AMOT: variants seen among roughly 807,000 people sequenced by gnomAD.
AMOT encodes the protein angiomotin.
Under a neutral mutation model 67.0 loss-of-function variants are expected in AMOT, and 11 were observed. The observed-to-expected ratio is 0.16, with a 90% CI of 0.10 to 0.27. AMOT has a LOEUF of 0.27. AMOT is among the 10% of genes least tolerant of loss of function. The pLI is 1.00. For synonymous variants in AMOT, 326 were observed against 321.4 expected (o/e 1.01, Z -0.15); for missense variants, 753 against 852.0 (o/e 0.88, Z 1.45).
chrX:112,805,585 G>A, intron 7 of AMOT, among the ~76,000 whole-genome samples: 1 of 111,505 alleles, frequency 9.0e-6, no homozygotes, highest in East Asian at 2.8e-4. Flanking sequence ...AAAAGCTCAT[G>A]CCCACCCTTC....
intron 8 of AMOT, 67 bp downstream of exon 8, chrX:112,804,880 A>G: frequency 1.7e-6 from 2 of 1,182,808 alleles, no homozygotes; most frequent in South Asian, 1.9e-5. Flanking sequence ...CACAATGTGG[A>G]GCCCAGTGTC....
chrX:112,780,806 C>T, intron 12 of AMOT, 80 bp downstream of exon 12: 2 of 1,025,867 alleles, frequency 1.9e-6, no homozygotes, highest in Non-Finnish European at 2.7e-6. Flanking sequence ...GACCATCATC[C>T]CTTTTCCTTA....
intron 10 of AMOT, among the ~76,000 whole-genome samples, chrX:112,783,876 C>A (rs756424952): frequency 2.7e-5 from 3 of 110,694 alleles, no homozygotes; most frequent in Non-Finnish European, 5.7e-5. Flanking sequence ...GAACTCCAGG[C>A]ATGTTTTCTG....
Position 112,819,476 on chromosome X carries a change from A to AT in AMOT, c.872+2778dup, listed in dbSNP as rs1362556018. 5 of 655,239 alleles carry AT rather than the reference A, an allele frequency of 7.6e-6. No homozygotes were observed. The African/African-American group carries it at 1.2e-4, about 16-fold the overall frequency. The allele number at this position is 655,239 out of a possible 1,213,427, so 54.0% of individuals were successfully genotyped here. On this transcript the variant is annotated intron_variant, in intron 4 of 13. Coordinates refer to ENST00000371959, the MANE Select transcript of AMOT (RefSeq NM_001113490.2). ...CACCCTTAGATTCCACTAAACAAGG[A>AT]TTTCAAGAAACCTCAGATCTGGGCA...
chrX:112,832,131 T>C (rs1043170911), intron 2 of AMOT, among the ~76,000 whole-genome samples, 163 bp downstream of exon 2: 8 of 111,725 alleles, frequency 7.2e-5, no homozygotes, highest in Admixed American at 1.9e-4. Context: ...TGATTTTTCA[T>C]TGTATGCATC....
Position 112,822,165 on chromosome X carries a change from A to T in AMOT, c.872+90T>A, listed in dbSNP as rs1448340326. On this transcript the variant is annotated intron_variant, in intron 4 of 13. Transcript: ENST00000371959. ...CATTGCAGAGTTTGTTATATCAAAC[A>T]CCTGCCCGTTCCTTCCCTAAGATTC... The T allele has an allele frequency of 5.8e-6, 6 of 1,041,466 alleles. No individual in the cohort carries two copies. In the African/African-American group the frequency reaches 7.6e-5, roughly 13 times the overall value. The allele number at this position is 1,041,466 out of a possible 1,213,427, so 85.8% of individuals were successfully genotyped here. A position where few individuals can be genotyped will look rare whatever the true frequency, so the allele number is the denominator to read the frequency against.
intron 5 of AMOT, 66 bp downstream of exon 5, chrX:112,815,292 T>G: frequency 8.9e-7 from 1 of 1,121,594 alleles, no homozygotes; most frequent in Non-Finnish European, 1.2e-6. Flanking sequence ...GACTTTAATG[T>G]GGATATTAAA....
At chrX:112,833,959 G>C (rs1286864062) in intron 1 of AMOT, among the ~76,000 whole-genome samples, 2 of 112,361 alleles carry the variant, frequency 1.8e-5, no homozygotes, top group Admixed American at 9.4e-5. Context: ...GTACTAATTA[G>C]CTTCCTAATG....
At position 112,815,346 on chromosome X, in the gene AMOT, C is replaced by A. The variant is rs377140504; in HGVS notation, c.1392+12G>T. On this transcript the variant is annotated intron_variant, in intron 5 of 13. Coordinates refer to ENST00000371959, the MANE Select transcript of AMOT (RefSeq NM_001113490.2). ...ACTTAGAGACCCTAATATCCCAAAACGGAAGCCTCACCTTCTGCAGTCTTG... is the reference window on the plus strand; with the variant it reads ...ACTTAGAGACCCTAATATCCCAAAAAGGAAGCCTCACCTTCTGCAGTCTTG... 1.7e-6 allele frequency: 2 copies of A among 1,196,581 alleles called. No individual in the cohort carries two copies. Among genetic ancestry groups the A allele is most frequent in the Non-Finnish European group, 2.3e-6 (2 of 888,386 alleles).
chrX:112,779,349 A>G lies in AMOT; in HGVS notation c.2805T>C (p.Thr935=). ...CAGCAGCTGGAGAAACAGCAGCAGC[A>G]GTAGCAGCGGCAGTGGCTGGAGACG... ...AAPSPATAAA[T]AAAVSPAAAG... is the part of the protein sequence containing the mutation. The change falls in exon 13 of 14, where the codon ACT becomes ACC. Residue 935 remains threonine, a synonymous_variant. Transcript: ENST00000371959. 2.3e-6 allele frequency: 2 copies of G among 856,263 alleles called. No homozygotes were observed. The highest frequency in any genetic ancestry group is 3.4e-6 in the Non-Finnish European group (2 of 589,149). The allele number at this position is 856,263 out of a possible 1,213,427, so 70.6% of individuals were successfully genotyped here.
At chrX:112,836,311 G>T (rs1402443924) in intron 1 of AMOT, among the ~76,000 whole-genome samples, 4 of 111,734 alleles carry the variant, frequency 3.6e-5, no homozygotes. Flanking sequence ...GGAGGTCAAA[G>T]GAATTAAATT....
rs1479328020 is a variant in AMOT, at chrX:112,832,292, A to T, written c.-212+2T>A. On this transcript the variant is annotated splice_donor_variant, in intron 2 of 13. Coordinates refer to ENST00000371959, the MANE Select transcript of AMOT (RefSeq NM_001113490.2). LOFTEE classifies it low-confidence loss of function (5UTR_SPLICE). ...TAACAATAATAATAATGTTATTATT[A>T]CCTTTAGTTTCTCAGCCTTCCTTCT... The T allele has an allele frequency of 8.9e-6, 1 of 112,072 alleles. No individual in the cohort carries two copies. The highest frequency in any genetic ancestry group is 1.9e-5 in the Non-Finnish European group (1 of 53,283). 9.2% of individuals were successfully genotyped at this position (112,072 alleles called of 1,213,427 possible).
At chrX:112,799,817 T>A (rs376686753) in intron 8 of AMOT, among the ~76,000 whole-genome samples, 1 of 112,354 alleles carries the variant, frequency 8.9e-6, no homozygotes, top group Non-Finnish European at 1.9e-5. Flanking sequence ...AATTTAGGAA[T>A]TCCAAAAGCC....
At chrX:112,797,336 C>T (rs1933856493) in intron 8 of AMOT, among the ~76,000 whole-genome samples, 1 of 111,540 alleles carries the variant, frequency 9.0e-6, no homozygotes, top group South Asian at 3.7e-4. Flanking sequence ...GCTATAATAA[C>T]ACCTAACAGA....
In AMOT at chrX:112,780,953, T is replaced by C; in HGVS notation, c.2406A>G (p.Ser802=). The C allele has an allele frequency of 8.3e-7, 1 of 1,211,816 alleles. No homozygotes were observed. The highest frequency in any genetic ancestry group is 1.8e-5 in the South Asian group (1 of 56,993). Residue 802 remains serine (S), a synonymous_variant, in exon 12 of 14, where the codon TCA becomes TCG. Transcript: ENST00000371959. ...TGATGGGGGAGCCAGTCAGGGTGGATGAGTGGGAGAGCAAGCCTGATCCAG... is the reference window on the plus strand; with the variant it reads ...TGATGGGGGAGCCAGTCAGGGTGGACGAGTGGGAGAGCAAGCCTGATCCAG... ...SNAGSGLLSH[S]STLTGSPIME... is the part of the protein sequence containing the mutation.
At chrX:112,826,774 G>C (rs1934853475) in intron 2 of AMOT, among the ~76,000 whole-genome samples, 1 of 112,065 alleles carries the variant, frequency 8.9e-6, no homozygotes, top group Admixed American at 9.4e-5. Flanking sequence ...ACTTTCTCCT[G>C]ATACTCAGCT....
At chrX:112,813,607 T>C (rs1252678174) in intron 5 of AMOT, among the ~76,000 whole-genome samples, 1 of 111,198 alleles carries the variant, frequency 9.0e-6, no homozygotes, top group East Asian at 2.8e-4. Flanking sequence ...TCTCTGTCCC[T>C]CTTCCCTGTC....
intron 6 of AMOT, 58 bp from the exon 7 acceptor site, chrX:112,810,044 A>G: frequency 2.1e-6 from 2 of 965,514 alleles, no homozygotes; most frequent in Non-Finnish European, 2.9e-6. Context: ...TGCACATACT[A>G]TTGGCCCTCT....
intron 8 of AMOT, among the ~76,000 whole-genome samples, chrX:112,795,246 C>CTGTG (rs1273867236): frequency 3.0e-4 from 28 of 93,066 alleles, no homozygotes; most frequent in African/African-American, 1.3e-3. Flanking sequence ...CTGTCTCTCT[C>CTGTG]TCTGTGTGTG....
Sources: gnomAD v4.1 joint callset for allele counts (sites outside exome capture counted in the v4.1 genomes callset) on GRCh38, gnomAD v4.1.1 for gene constraint, MANE v1.5 for transcripts, NCBI Gene and HGNC (gene_info 2026-07-23, HGNC 2026-07-21) for gene names.